The following NEK10 variants were observed in gnomAD, a reference collection of about 807,000 sequenced individuals.
The protein encoded by NEK10 is serine/threonine-protein kinase Nek10.
A neutral mutation model predicts 159.8 loss-of-function variants in NEK10; 122 were observed. The observed-to-expected ratio is 0.76, with a 90% CI of 0.66 to 0.89. The LOEUF is 0.89. Ranked by LOEUF, NEK10 falls within the 40% of genes least tolerant of loss-of-function variation. The pLI, the probability that NEK10 is intolerant of heterozygous loss-of-function variation, is 0.00. For missense variants in NEK10, 1,342 were observed against 1,323.1 expected (o/e 1.01, Z -0.22); for synonymous variants, 466 against 457.1 (o/e 1.02, Z -0.25).
chr3:27,169,499 GT>G (rs1439484156), intron 29 of NEK10, among the ~76,000 whole-genome samples: 1 of 152,108 alleles, frequency 6.6e-6, no homozygotes. Flanking sequence ...CTGTTGATAA[GT>G]TTTCCTTGGG....
intron 26 of NEK10, among the ~76,000 whole-genome samples, chr3:27,175,672 G>T (rs910198672): frequency 6.6e-6 from 1 of 152,198 alleles, no homozygotes; most frequent in African/African-American, 2.4e-5. Flanking sequence ...CATTGTATGG[G>T]ACTATTCGCA....
intron 22 of NEK10, among the ~76,000 whole-genome samples, chr3:27,264,648 T>C (rs2040726404): frequency 1.3e-5 from 2 of 152,114 alleles, no homozygotes; most frequent in South Asian, 4.2e-4. Flanking sequence ...TCCCAGCGCT[T>C]TGGGAGGCCG....
intron 25 of NEK10, among the ~76,000 whole-genome samples, chr3:27,192,712 C>T (rs1234901609): frequency 1.3e-5 from 2 of 151,986 alleles, no homozygotes; most frequent in African/African-American, 4.8e-5. Flanking sequence ...GAACTATCAG[C>T]TGAACTTTTT....
chr3:27,165,980 T>C (rs1045306116), intron 29 of NEK10, among the ~76,000 whole-genome samples: 6 of 152,218 alleles, frequency 3.9e-5, no homozygotes, highest in Non-Finnish European at 8.8e-5. Context: ...ATAAGTGTAT[T>C]CCATCATTTA....
chr3:27,351,624 T>TA (rs1278062721), intron 3 of NEK10, among the ~76,000 whole-genome samples: 3 of 152,094 alleles, frequency 2.0e-5, no homozygotes, highest in Non-Finnish European at 2.9e-5. Context: ...TATAAGCAGA[T>TA]AAAAATGCTA....
intron 23 of NEK10, among the ~76,000 whole-genome samples, chr3:27,241,498 A>T (rs760676387): frequency 2.6e-5 from 4 of 152,192 alleles, no homozygotes; most frequent in Non-Finnish European, 4.4e-5. Context: ...AGTGACTTCA[A>T]GAGCAAGTGT....
chr3:27,140,310 G>C, intron 31 of NEK10, among the ~76,000 whole-genome samples: 1 of 152,156 alleles, frequency 6.6e-6, no homozygotes, highest in East Asian at 1.9e-4. Context: ...CCTTGATTAA[G>C]TGGAAAGCTG....
At chr3:27,359,992 A>G (rs1245257896) in intron 1 of NEK10, among the ~76,000 whole-genome samples, 1 of 152,242 alleles carries the variant, frequency 6.6e-6, no homozygotes, top group Non-Finnish European at 1.5e-5. Context: ...TAAATTGGTC[A>G]AATTGCTGGA....
intron 30 of NEK10, chr3:27,143,570 C>G (rs979883594): frequency 1.3e-5 from 8 of 633,490 alleles, no homozygotes; most frequent in Middle Eastern, 6.3e-4. Context: ...TATTGAGACC[C>G]TTTGACCACT....
intron 26 of NEK10, among the ~76,000 whole-genome samples, chr3:27,185,857 C>T (rs145445204): frequency 6.6e-6 from 1 of 152,172 alleles, no homozygotes; most frequent in African/African-American, 2.4e-5. Flanking sequence ...AAACTAGAGA[C>T]AAGAAAGTTG....
At chr3:27,112,484 T>C (rs1939715722) in intron 35 of NEK10, among the ~76,000 whole-genome samples, 1 of 152,204 alleles carries the variant, frequency 6.6e-6, no homozygotes, top group Non-Finnish European at 1.5e-5. Context: ...ATGACGATGA[T>C]GACAATGATG....
At chr3:27,178,877 G>A (rs1217902635) in intron 26 of NEK10, among the ~76,000 whole-genome samples, 1 of 152,132 alleles carries the variant, frequency 6.6e-6, no homozygotes, top group Non-Finnish European at 1.5e-5. Flanking sequence ...CTGGAGCCTG[G>A]TCCCACCCCC....
At position 27,124,953 on chromosome 3, in the gene NEK10, T is replaced by C. The variant is rs567018041; in HGVS notation, c.3082-5085A>G. 2.6e-5 allele frequency among the ~76,000 whole-genome samples: 4 copies of C among 152,290 alleles called. No homozygotes were observed. The East Asian group carries it at 7.7e-4, about 29-fold the overall frequency. ...CTCATGAGCATTCAGCTTATAGTTG[T>C]ACCTCCTTTTTAGCATTCAAACTCT... On this transcript the variant is annotated intron_variant, in intron 32 of 35. Transcript: ENST00000691995.
intron 26 of NEK10, among the ~76,000 whole-genome samples, chr3:27,178,646 A>G (rs566543746): frequency 8.3e-4 from 126 of 152,348 alleles, no homozygotes; most frequent in Middle Eastern, 3.4e-3. Flanking sequence ...ACTAGGAGAC[A>G]GGCCATTGAC....
intron 23 of NEK10, among the ~76,000 whole-genome samples, chr3:27,222,198 C>T (rs1180993966): frequency 2.0e-5 from 3 of 152,080 alleles, no homozygotes; most frequent in Non-Finnish European, 4.4e-5. Context: ...TATGGTGAAA[C>T]CCCGTCTCTA....
intron 1 of NEK10, among the ~76,000 whole-genome samples, chr3:27,360,066 C>T (rs2048574865): frequency 6.6e-6 from 1 of 152,180 alleles, no homozygotes; most frequent in South Asian, 2.1e-4. Flanking sequence ...CTGTAAGAAA[C>T]ATAACTTGCT....
At chr3:27,159,850 A>T (rs1945844412) in intron 30 of NEK10, among the ~76,000 whole-genome samples, 1 of 151,712 alleles carries the variant, frequency 6.6e-6, no homozygotes, top group South Asian at 2.1e-4. Flanking sequence ...ATATTACAAT[A>T]TAGGCACTTG....
In NEK10 at chr3:27,141,524, C is replaced by A; in HGVS notation, c.2928G>T (p.Gln976His). ...TTTTGTGCAGCTGAATTAATATCTGCTGAATAGGATCACTGATCTGACGCA... is the reference window on the plus strand; with the variant it reads ...TTTTGTGCAGCTGAATTAATATCTGATGAATAGGATCACTGATCTGACGCA... The part of the protein sequence containing the change: ...RKVRQISDPI[Q>H]QILIQLHKII... Residue 976 changes from glutamine to histidine, a missense_variant, in exon 31 of 36, where the codon CAG becomes CAT. Gln to His is a conservative substitution (Grantham distance 24). Coordinates refer to ENST00000691995, the MANE Select transcript of NEK10 (RefSeq NM_001394966.1). 2.5e-6 allele frequency: 4 copies of A among 1,613,314 alleles called. No individual in the cohort carries two copies. Among genetic ancestry groups the A allele is most frequent in the Non-Finnish European group, 2.5e-6 (3 of 1,179,484 alleles).
chr3:27,289,342 C>T (rs1487024959), intron 19 of NEK10, among the ~76,000 whole-genome samples: 3 of 152,162 alleles, frequency 2.0e-5, no homozygotes, highest in Non-Finnish European at 4.4e-5. Flanking sequence ...ATTCTAGCCC[C>T]ATTTGTTTTG....
Sources: allele counts gnomAD v4.1 joint callset (sites outside exome capture counted in the v4.1 genomes callset), GRCh38; gene constraint gnomAD v4.1.1; transcripts MANE v1.5; gene names NCBI Gene and HGNC (gene_info 2026-07-23, HGNC 2026-07-21).